The following MAPK10 variants were observed in gnomAD, a reference collection of about 807,000 sequenced individuals.
MAPK10 encodes JNK3 alpha protein kinase.
In MAPK10, 25 loss-of-function variants were observed where a neutral mutation model predicts 59.3. That is an observed-to-expected ratio of 0.42 (90% CI 0.31 to 0.59). The LOEUF (loss-of-function observed/expected upper bound fraction) is 0.59. Ranked by LOEUF, MAPK10 falls within the 20% of genes least tolerant of loss-of-function variation. The probability of loss-of-function intolerance (pLI) is 0.15; values close to 1 mark genes in which losing one functional copy is unlikely to be tolerated. For missense variants in MAPK10, 351 were observed against 568.9 expected (o/e 0.62, Z 3.90); for synonymous variants, 190 against 200.5 (o/e 0.95, Z 0.44).
At chr4:86,076,975 T>C (rs1186093525) in intron 9 of MAPK10, among the ~76,000 whole-genome samples, 1 of 152,124 alleles carries the variant, frequency 6.6e-6, no homozygotes, top group African/African-American at 2.4e-5. Flanking sequence ...TGATGTGCTG[T>C]TTCAGAAATT....
chr4:86,306,212 C>T (rs2095565366), intron 2 of MAPK10, among the ~76,000 whole-genome samples: 1 of 152,140 alleles, frequency 6.6e-6, no homozygotes, highest in Non-Finnish European at 1.5e-5. Context: ...TTTTAAAAAA[C>T]TATATGTTTT....
chr4:86,237,765 A>G (rs913990362), intron 2 of MAPK10, among the ~76,000 whole-genome samples: 15 of 152,126 alleles, frequency 9.9e-5, no homozygotes, highest in Admixed American at 2.0e-4. Context: ...AGATGGGTAG[A>G]TTGCAAAAAT....
intron 4 of MAPK10, among the ~76,000 whole-genome samples, chr4:86,112,907 G>A (rs2057725361): frequency 6.6e-6 from 1 of 151,922 alleles, no homozygotes; most frequent in African/African-American, 2.4e-5. Context: ...TGTATTGGGT[G>A]CATATATATT....
chr4:86,122,208 T>C (rs1261769291), intron 4 of MAPK10, among the ~76,000 whole-genome samples: 2 of 152,140 alleles, frequency 1.3e-5, no homozygotes, highest in African/African-American at 4.8e-5. Context: ...AGGAGCATTG[T>C]CATGGTAGAA....
chr4:86,079,894 A>G (rs2050274349), intron 9 of MAPK10: 1 of 152,116 alleles, frequency 6.6e-6, no homozygotes, highest in South Asian at 2.1e-4. Context: ...TTAAATTTAA[A>G]AAGGAAGATA....
chr4:86,184,969 GT>G (rs1452682671), intron 3 of MAPK10, among the ~76,000 whole-genome samples: 1 of 152,142 alleles, frequency 6.6e-6, no homozygotes, highest in African/African-American at 2.4e-5. Context: ...TTCCAATGGT[GT>G]GCTGGTAAAT....
chr4:86,316,906 A>G (rs937177631), intron 2 of MAPK10, among the ~76,000 whole-genome samples: 5 of 94,170 alleles, frequency 5.3e-5, no homozygotes, highest in Non-Finnish European at 1.3e-4. Flanking sequence ...ATTTTTCATG[A>G]GAGGGATTTT....
At chr4:86,390,795 A>T (rs1192999650) in intron 1 of MAPK10, among the ~76,000 whole-genome samples, 1 of 152,202 alleles carries the variant, frequency 6.6e-6, no homozygotes, top group African/African-American at 2.4e-5. Context: ...GGAGTGGATC[A>T]TGAATGCTAA....
At chr4:86,186,622 T>A (rs1363285802) in intron 3 of MAPK10, among the ~76,000 whole-genome samples, 1 of 152,096 alleles carries the variant, frequency 6.6e-6, no homozygotes, top group Non-Finnish European at 1.5e-5. Context: ...TCATTCTTTA[T>A]TTAAAACACA....
chr4:86,544,510 TC>T (rs1203831071), intron 1 of MAPK10, among the ~76,000 whole-genome samples: 40 of 152,172 alleles, frequency 2.6e-4, no homozygotes, highest in Admixed American at 2.6e-3. Flanking sequence ...TTGCTTCAAG[TC>T]ACAAATGCAG....
intron 6 of MAPK10, 111 bp downstream of exon 6, chr4:86,103,075 C>CTATGTG (rs563777764): frequency 2.2e-6 from 1 of 460,298 alleles, no homozygotes; most frequent in African/African-American, 2.4e-5. Flanking sequence ...GATTTCAACT[C>CTATGTG]TGTGTGTGTG....
chr4:86,018,843 T>A (rs1438221362), intron 13 of MAPK10, among the ~76,000 whole-genome samples: 2 of 152,172 alleles, frequency 1.3e-5, no homozygotes, highest in Non-Finnish European at 2.9e-5. Context: ...TGGTGAAAAA[T>A]AATAACTCCA....
intron 2 of MAPK10, among the ~76,000 whole-genome samples, chr4:86,352,551 C>T (rs1271862759): frequency 6.6e-6 from 1 of 152,052 alleles, no homozygotes; most frequent in African/African-American, 2.4e-5. Context: ...CAAAGAAAAG[C>T]AAGGTAATGT....
At chr4:86,055,984 A>T (rs2044472852) in intron 11 of MAPK10, among the ~76,000 whole-genome samples, 1 of 150,160 alleles carries the variant, frequency 6.7e-6, no homozygotes, top group African/African-American at 2.5e-5. Context: ...GGGGAAAATC[A>T]GGAAACAAAA....
At chr4:86,207,445 T>C (rs28821771) in intron 2 of MAPK10, among the ~76,000 whole-genome samples, 2,849 of 152,298 alleles carry the variant, frequency 0.019, 97 homozygotes, top group African/African-American at 0.065. Context: ...TTTTGGTTAC[T>C]GTAGCCTTGT....
intron 1 of MAPK10, among the ~76,000 whole-genome samples, chr4:86,571,639 A>G (rs1320916123): frequency 1.3e-5 from 2 of 152,120 alleles, no homozygotes; most frequent in African/African-American, 4.8e-5. Flanking sequence ...TCATTCCTGA[A>G]AAGGAATGAA....
chr4:86,213,230 A>G (rs1356230131), intron 2 of MAPK10, among the ~76,000 whole-genome samples: 2 of 152,244 alleles, frequency 1.3e-5, no homozygotes, highest in African/African-American at 2.4e-5. Context: ...TAGAGCTGCA[A>G]ATGCTTACAA....
intron 10 of MAPK10, among the ~76,000 whole-genome samples, chr4:86,066,637 C>T (rs1366796367): frequency 1.3e-5 from 2 of 151,042 alleles, no homozygotes; most frequent in East Asian, 2.0e-4. Context: ...TGGTGGCGGG[C>T]GCCTGTAGTC....
intron 2 of MAPK10, among the ~76,000 whole-genome samples, chr4:86,322,687 G>T (rs2095925205): frequency 6.6e-6 from 1 of 152,158 alleles, no homozygotes; most frequent in African/African-American, 2.4e-5. Context: ...ATCAGGCAAG[G>T]ATTATTTCTC....
Sources: allele counts gnomAD v4.1 joint callset (sites outside exome capture counted in the v4.1 genomes callset), GRCh38; gene constraint gnomAD v4.1.1; transcripts MANE v1.5; gene names NCBI Gene and HGNC (gene_info 2026-07-23, HGNC 2026-07-21).